KSR1: variants seen among roughly 807,000 people sequenced by gnomAD.
The protein encoded by KSR1 is kinase suppressor of ras.
In KSR1, 35 loss-of-function variants were observed where a neutral mutation model predicts 92.9. The observed-to-expected ratio is 0.38, with a 90% CI of 0.29 to 0.50. The LOEUF (loss-of-function observed/expected upper bound fraction) is 0.50. Ranked by LOEUF, KSR1 falls within the 20% of genes least tolerant of loss-of-function variation. KSR1 has a pLI of 0.94. For missense variants in KSR1, 972 were observed against 1,158.5 expected (o/e 0.84, Z 2.34); for synonymous variants, 467 against 472.6 (o/e 0.99, Z 0.15).
chr17:27,570,738 C>T (rs542540960), intron 2 of KSR1, among the ~76,000 whole-genome samples: 12 of 152,156 alleles, frequency 7.9e-5, no homozygotes, highest in African/African-American at 9.7e-5. Flanking sequence ...TGAACACAGC[C>T]GTGCTGTGGC....
intron 1 of KSR1, among the ~76,000 whole-genome samples, chr17:27,515,489 A>G (rs1363630207): frequency 6.6e-6 from 1 of 151,710 alleles, no homozygotes; most frequent in Non-Finnish European, 1.5e-5. Flanking sequence ...CAACTTAATG[A>G]CTTTTTCGGT....
At chr17:27,592,244 TG>T (rs1332741137) in intron 7 of KSR1, 116 bp from the exon 8 acceptor site, 1 of 765,232 alleles carries the variant, frequency 1.3e-6, no homozygotes, top group Non-Finnish European at 2.2e-6. Context: ...AGCTAACATT[TG>T]TTGAGAAGTG....
intron 1 of KSR1, among the ~76,000 whole-genome samples, chr17:27,466,959 A>G (rs771291627): frequency 6.6e-6 from 1 of 152,240 alleles, no homozygotes; most frequent in Non-Finnish European, 1.5e-5. Flanking sequence ...TACAAAATGG[A>G]TGTGTCATAA....
intron 1 of KSR1, among the ~76,000 whole-genome samples, chr17:27,548,174 T>C (rs2071253377): frequency 6.6e-6 from 1 of 151,078 alleles, no homozygotes; most frequent in African/African-American, 2.4e-5. Context: ...GGTGGGAGGA[T>C]TGCTTGAGCC....
At chr17:27,582,571 C>A in intron 3 of KSR1, 75 bp from the exon 4 acceptor site, 1 of 1,358,558 alleles carries the variant, frequency 7.4e-7, no homozygotes, top group Non-Finnish European at 1.0e-6. Flanking sequence ...TGTTGAACAT[C>A]TCTGGCCCCT....
intron 1 of KSR1, among the ~76,000 whole-genome samples, chr17:27,519,686 T>A (rs1199405783): frequency 6.6e-6 from 1 of 152,196 alleles, no homozygotes; most frequent in Non-Finnish European, 1.5e-5. Context: ...TGTGGGGGAT[T>A]TCTGACACTG....
intron 1 of KSR1, among the ~76,000 whole-genome samples, chr17:27,548,839 G>C (rs945277322): frequency 6.9e-5 from 10 of 144,774 alleles, no homozygotes; most frequent in African/African-American, 2.6e-4. Flanking sequence ...AAAAAAAAAA[G>C]AAAAATATAG....
At chr17:27,528,241 AT>A (rs2070392489) in intron 1 of KSR1, among the ~76,000 whole-genome samples, 1 of 151,516 alleles carries the variant, frequency 6.6e-6, no homozygotes, top group African/African-American at 2.4e-5. Context: ...TAATTTTTGT[AT>A]TTTTAGTAGA....
intron 2 of KSR1, among the ~76,000 whole-genome samples, chr17:27,564,588 A>G (rs969393019): frequency 6.6e-6 from 1 of 152,192 alleles, no homozygotes; most frequent in Non-Finnish European, 1.5e-5. Context: ...GCTGAGCCTC[A>G]CTACCTTCTA....
chr17:27,552,007 C>T (rs1012395338), intron 2 of KSR1, among the ~76,000 whole-genome samples: 2 of 152,176 alleles, frequency 1.3e-5, no homozygotes, highest in Admixed American at 6.5e-5. Context: ...CTCCTTTGCT[C>T]GGTAGACTCT....
intron 10 of KSR1, among the ~76,000 whole-genome samples, chr17:27,599,908 A>T (rs1229018356): frequency 6.6e-6 from 1 of 151,900 alleles, no homozygotes; most frequent in Admixed American, 6.6e-5. Flanking sequence ...ACTAAGACAC[A>T]CACGCTAGCC....
At chr17:27,595,271 C>T (rs912780568) in intron 9 of KSR1, among the ~76,000 whole-genome samples, 66 of 152,232 alleles carry the variant, frequency 4.3e-4, no homozygotes, top group Admixed American at 1.3e-3. Context: ...CCCTGGAGCC[C>T]TCTCTCTGTT....
At chr17:27,533,795 C>T (rs1045194853) in intron 1 of KSR1, among the ~76,000 whole-genome samples, 24 of 152,190 alleles carry the variant, frequency 1.6e-4, no homozygotes, top group African/African-American at 5.3e-4. Context: ...CAGTGTCTAG[C>T]GCATAATAGT....
intron 1 of KSR1, among the ~76,000 whole-genome samples, chr17:27,476,498 T>A (rs1292824194): frequency 3.9e-5 from 6 of 152,208 alleles, no homozygotes; most frequent in Admixed American, 3.9e-4. Context: ...CCTGCCTGTT[T>A]GACTGTGGTG....
intron 1 of KSR1, among the ~76,000 whole-genome samples, chr17:27,521,125 G>A (rs2070009041): frequency 6.6e-6 from 1 of 152,110 alleles, no homozygotes; most frequent in South Asian, 2.1e-4. Context: ...TCCATATCAG[G>A]AGCACAGCCC....
At chr17:27,516,219 G>T in intron 1 of KSR1, among the ~76,000 whole-genome samples, 1 of 152,202 alleles carries the variant, frequency 6.6e-6, no homozygotes, top group East Asian at 1.9e-4. Flanking sequence ...CAATCGTAAT[G>T]ATTGCCTTAT....
chr17:27,469,660 A>G (rs762665165), intron 1 of KSR1, among the ~76,000 whole-genome samples: 1 of 152,178 alleles, frequency 6.6e-6, no homozygotes. Flanking sequence ...AGTGCTGGAC[A>G]GTGCCTGGTA....
At chr17:27,544,787 T>G (rs185899165) in intron 1 of KSR1, among the ~76,000 whole-genome samples, 1 of 152,358 alleles carries the variant, frequency 6.6e-6, no homozygotes, top group African/African-American at 2.4e-5. Context: ...AGGTCCCCTT[T>G]TAGGCCCCCA....
intron 1 of KSR1, among the ~76,000 whole-genome samples, chr17:27,502,775 T>C (rs2069237464): frequency 1.3e-5 from 2 of 152,272 alleles, no homozygotes; most frequent in Admixed American, 1.3e-4. Context: ...GCAAGAATTC[T>C]GCAGCAGCCT....
Sources: gnomAD v4.1 joint callset for allele counts (sites outside exome capture counted in the v4.1 genomes callset) on GRCh38, gnomAD v4.1.1 for gene constraint, MANE v1.5 for transcripts, NCBI Gene and HGNC (gene_info 2026-07-23, HGNC 2026-07-21) for gene names.